Variants in ACOXL observed in about 807,000 individuals in gnomAD.
ACOXL encodes the protein acyl-CoA oxidase like.
Under a neutral mutation model 71.9 loss-of-function variants are expected in ACOXL, and 70 were observed. The observed-to-expected ratio is 0.97, with a 90% CI of 0.80 to 1.19. The LOEUF (loss-of-function observed/expected upper bound fraction) is 1.19, where lower values mean the gene tolerates loss of function less well. Ranked by LOEUF, ACOXL falls within the 50% of genes most tolerant of loss-of-function variation. The pLI is 0.00. For missense variants in ACOXL, 703 were observed against 736.3 expected (o/e 0.95, Z 0.52); for synonymous variants, 253 against 281.6 (o/e 0.90, Z 1.02).
At chr2:110,824,516 GTC>G (rs1377618225) in intron 9 of ACOXL, among the ~76,000 whole-genome samples, 2 of 152,058 alleles carry the variant, frequency 1.3e-5, no homozygotes, top group Non-Finnish European at 2.9e-5. Context: ...TCATTTTTAA[GTC>G]TCTTTTTCTC....
intron 2 of ACOXL, among the ~76,000 whole-genome samples, chr2:110,779,529 A>G (rs1187989139): frequency 6.6e-6 from 1 of 152,244 alleles, no homozygotes; most frequent in East Asian, 1.9e-4. Flanking sequence ...AAACAATTCT[A>G]AAAAAGGACA....
chr2:110,796,379 G>C (rs1356096806), intron 5 of ACOXL, among the ~76,000 whole-genome samples: 1 of 152,214 alleles, frequency 6.6e-6, no homozygotes, highest in Non-Finnish European at 1.5e-5. Context: ...TGACCATTTT[G>C]CTGGCCTTCA....
At chr2:110,996,868 C>T (rs2063419016) in intron 14 of ACOXL, among the ~76,000 whole-genome samples, 1 of 152,172 alleles carries the variant, frequency 6.6e-6, no homozygotes, top group South Asian at 2.1e-4. Context: ...GCCCTGGAAG[C>T]AGAAAGCAGC....
chr2:111,050,238 C>A (rs1470963600), intron 16 of ACOXL, among the ~76,000 whole-genome samples: 2 of 151,544 alleles, frequency 1.3e-5, no homozygotes, highest in Non-Finnish European at 2.9e-5. Context: ...ACTCATTTGC[C>A]TAAGATGTGA....
intron 12 of ACOXL, among the ~76,000 whole-genome samples, chr2:110,980,564 G>C (rs780615639): frequency 2.0e-5 from 3 of 152,196 alleles, no homozygotes; most frequent in Non-Finnish European, 4.4e-5. Context: ...CATTGGGCCT[G>C]TGGGCTCTGC....
intron 9 of ACOXL, among the ~76,000 whole-genome samples, chr2:110,832,177 A>C (rs934934383): frequency 6.6e-6 from 1 of 152,084 alleles, no homozygotes; most frequent in African/African-American, 2.4e-5. Context: ...TAAAAAGGAG[A>C]AACTCTTTGA....
At chr2:111,037,182 A>G (rs1332371337) in intron 15 of ACOXL, among the ~76,000 whole-genome samples, 1 of 152,094 alleles carries the variant, frequency 6.6e-6, no homozygotes, top group African/African-American at 2.4e-5. Flanking sequence ...CCATCTCCCC[A>G]AGCCATGTAG....
At chr2:110,790,642 G>A (rs1457085408) in intron 3 of ACOXL, among the ~76,000 whole-genome samples, 3 of 152,098 alleles carry the variant, frequency 2.0e-5, no homozygotes, top group Non-Finnish European at 4.4e-5. Flanking sequence ...AGAGCAAATG[G>A]TCCTCTCTGT....
intron 9 of ACOXL, among the ~76,000 whole-genome samples, chr2:110,816,135 G>T (rs1687885539): frequency 6.6e-6 from 1 of 151,918 alleles, no homozygotes; most frequent in Non-Finnish European, 1.5e-5. Flanking sequence ...ATGAATGGAT[G>T]GATAGACAGA....
chr2:110,777,103 A>T (rs1682748380), intron 2 of ACOXL, among the ~76,000 whole-genome samples: 1 of 152,112 alleles, frequency 6.6e-6, no homozygotes, highest in African/African-American at 2.4e-5. Context: ...CCTAGAAGAG[A>T]TGTTAGGTTA....
chr2:110,924,234 G>T (rs1188724283), intron 11 of ACOXL, among the ~76,000 whole-genome samples: 1 of 152,182 alleles, frequency 6.6e-6, no homozygotes, highest in East Asian at 1.9e-4. Flanking sequence ...GGAGGGTCTT[G>T]ACTTGATGTT....
chr2:111,117,360 A>G (rs890634722), intron 17 of ACOXL, among the ~76,000 whole-genome samples: 5 of 151,992 alleles, frequency 3.3e-5, no homozygotes, highest in Non-Finnish European at 7.4e-5. Context: ...AAGCCGACCG[A>G]CCCCACGTCC....
intron 16 of ACOXL, among the ~76,000 whole-genome samples, chr2:111,088,750 C>G (rs913607389): frequency 1.7e-4 from 26 of 152,084 alleles, no homozygotes; most frequent in Non-Finnish European, 2.1e-4. Flanking sequence ...TTGAACTATA[C>G]TCACACATAT....
At chr2:110,947,297 T>C (rs1025885546) in intron 12 of ACOXL, among the ~76,000 whole-genome samples, 1 of 152,208 alleles carries the variant, frequency 6.6e-6, no homozygotes, top group Non-Finnish European at 1.5e-5. Flanking sequence ...CAAACCTAGA[T>C]TGAATTTCTA....
At chr2:110,750,401 A>T (rs538218431) in intron 1 of ACOXL, among the ~76,000 whole-genome samples, 1 of 151,982 alleles carries the variant, frequency 6.6e-6, no homozygotes, top group African/African-American at 2.4e-5. Flanking sequence ...GGCTCATCTT[A>T]TATTTTCCCT....
At chr2:111,106,270 T>G (rs571675503) in intron 17 of ACOXL, among the ~76,000 whole-genome samples, 1 of 152,332 alleles carries the variant, frequency 6.6e-6, no homozygotes, top group African/African-American at 2.4e-5. Context: ...GTTCACCAAT[T>G]CCTTCCACTG....
At chr2:110,808,468 A>T (rs901357454) in intron 9 of ACOXL, among the ~76,000 whole-genome samples, 1 of 152,090 alleles carries the variant, frequency 6.6e-6, no homozygotes, top group Non-Finnish European at 1.5e-5. Context: ...TGGTTGTGAA[A>T]TATCAGCACT....
chr2:111,008,349 C>A (rs376506991), intron 14 of ACOXL, among the ~76,000 whole-genome samples: 1 of 152,144 alleles, frequency 6.6e-6, no homozygotes, highest in Non-Finnish European at 1.5e-5. Flanking sequence ...CCAGCTACCC[C>A]CTTTCCATCA....
In ACOXL at chr2:111,031,730, T is replaced by A; in HGVS notation, c.1369+16T>A. 1 of 1,613,328 alleles carries A rather than the reference T, an allele frequency of 6.2e-7. No individual in the cohort carries two copies. Among genetic ancestry groups the A allele is most frequent in the Non-Finnish European group, 8.5e-7 (1 of 1,179,338 alleles). ...ACTCACCGAGGTCAGTTGGCTCCTG[T>A]TGAATATTTGTAATTGAGTGACTCA... On this transcript the variant is annotated intron_variant, in intron 15 of 17. Transcript: ENST00000439055.
Sources: allele counts gnomAD v4.1 joint callset (sites outside exome capture counted in the v4.1 genomes callset), GRCh38; gene constraint gnomAD v4.1.1; transcripts MANE v1.5; gene names NCBI Gene and HGNC (gene_info 2026-07-23, HGNC 2026-07-21).